Variants in SH3BP4 observed in about 807,000 individuals in gnomAD.
The protein encoded by SH3BP4 is SH3 domain binding protein 4.
In SH3BP4, 33 loss-of-function variants were observed where a neutral mutation model predicts 65.5. That is an observed-to-expected ratio of 0.50 (90% CI 0.38 to 0.67). SH3BP4 has a LOEUF of 0.67. SH3BP4 is among the 30% of genes least tolerant of loss of function. The pLI, the probability that SH3BP4 is intolerant of heterozygous loss-of-function variation, is 0.00. For synonymous variants in SH3BP4, 552 were observed against 545.5 expected, an observed-to-expected ratio of 1.01 and a Z score of -0.17; for missense variants, 1,134 against 1,261.4, an observed-to-expected ratio of 0.90 and a Z score of 1.53.
chr2:234,984,957 C>T (rs954977536), intron 1 of SH3BP4, among the ~76,000 whole-genome samples: 3 of 152,244 alleles, frequency 2.0e-5, no homozygotes, highest in African/African-American at 7.2e-5. Flanking sequence ...ATGCTGGAGA[C>T]GCATTTGAGG....
chr2:234,985,632 C>A (rs111787764), intron 1 of SH3BP4, among the ~76,000 whole-genome samples: 2 of 152,148 alleles, frequency 1.3e-5, no homozygotes, highest in African/African-American at 4.8e-5. Context: ...ATATTTTTGA[C>A]CCTCTGCGCA....
At chr2:235,007,809 G>A (rs1384220444) in intron 2 of SH3BP4, among the ~76,000 whole-genome samples, 4 of 152,166 alleles carry the variant, frequency 2.6e-5, no homozygotes, top group African/African-American at 7.2e-5. Context: ...GTAGAGACAC[G>A]GTTTGGCCAT....
rs763659776 is a variant in SH3BP4, at chr2:235,042,692, C to G, written c.1923C>G (p.Thr641=). The G allele has an allele frequency of 6.2e-7, 1 of 1,614,206 alleles. No homozygotes were observed. The highest frequency in any genetic ancestry group is 8.5e-7 in the Non-Finnish European group (1 of 1,180,050). ...VGKIILSPFA[T]TTKYPTFQDR... Reference sequence around the variant, plus strand: ...AAATCATCCTGTCCCCGTTTGCCACCACTACAAAGTACCCGACTTTCCAGG... The same window carrying G: ...AAATCATCCTGTCCCCGTTTGCCACGACTACAAAGTACCCGACTTTCCAGG... Residue 641 remains threonine, a synonymous_variant, in exon 4 of 6, where the codon ACC becomes ACG. Coordinates refer to ENST00000392011, the MANE Select transcript of SH3BP4 (RefSeq NM_014521.3). This position sits in a 1 kb window ranked among gnomAD's most constrained non-coding sequence, Gnocchi z 7.3.
chr2:235,053,228 C>T (rs1367194009), intron 5 of SH3BP4, among the ~76,000 whole-genome samples: 1 of 152,182 alleles, frequency 6.6e-6, no homozygotes, highest in Non-Finnish European at 1.5e-5. Flanking sequence ...ACGGTTCAGG[C>T]TTGCAAGATC....
At chr2:235,028,728 T>C (rs1695082914) in intron 2 of SH3BP4, among the ~76,000 whole-genome samples, 2 of 151,930 alleles carry the variant, frequency 1.3e-5, no homozygotes, top group Non-Finnish European at 2.9e-5. Context: ...AGAAAGAGGA[T>C]GGGGTGAGGG....
At chr2:234,993,821 G>A (rs1007277191) in intron 1 of SH3BP4, among the ~76,000 whole-genome samples, 3 of 152,234 alleles carry the variant, frequency 2.0e-5, no homozygotes, top group Non-Finnish European at 4.4e-5. Context: ...CTTCTCTGCC[G>A]AGAATGGGGC....
chr2:235,005,346 G>A (rs1694260337), intron 2 of SH3BP4, among the ~76,000 whole-genome samples: 2 of 152,064 alleles, frequency 1.3e-5, no homozygotes, highest in Admixed American at 6.5e-5. Context: ...GGTGTCAGGG[G>A]AGCCCCTCGC....
At chr2:235,038,299 TTATA>T (rs1186347265) in intron 3 of SH3BP4, among the ~76,000 whole-genome samples, 96 of 11,770 alleles carry the variant, frequency 8.2e-3, no homozygotes, top group East Asian at 0.074. Context: ...AATATATATA[TTATA>T]TATATATATT....
intron 2 of SH3BP4, among the ~76,000 whole-genome samples, chr2:235,029,013 A>C (rs1436258117): frequency 6.6e-6 from 1 of 152,220 alleles, no homozygotes; most frequent in Non-Finnish European, 1.5e-5. Flanking sequence ...GGTTTCAAAC[A>C]GAGTCTGGAG....
rs753631631 is a variant in SH3BP4, at chr2:234,977,050, G to A, written c.-206-18253G>A. 2.6e-5 allele frequency among the ~76,000 whole-genome samples: 4 copies of A among 152,216 alleles called. No individual in the cohort carries two copies. The highest frequency in any genetic ancestry group is 4.8e-5 in the African/African-American group (2 of 41,462). On this transcript the variant is annotated intron_variant, in intron 1 of 5. Transcript: ENST00000392011. This position sits in a 1 kb window ranked among gnomAD's most constrained non-coding sequence, Gnocchi z 5.1. ...GACACTCACAGGGAAGCCGGGTGGC[G>A]GGAGGCCTGTGGGAATTCTCTGTAT...
Position 235,034,824 on chromosome 2 carries a change from A to G in SH3BP4, c.-132-47A>G, listed in dbSNP as rs914930250. 8.5e-6 allele frequency: 5 copies of G among 590,656 alleles called. No homozygotes were observed. Among genetic ancestry groups the G allele is most frequent in the African/African-American group, 1.9e-5 (1 of 53,552 alleles). The allele number at this position is 590,656 out of a possible 1,614,324, so 36.6% of individuals were successfully genotyped here. A position where few individuals can be genotyped will look rare whatever the true frequency, so the allele number is the denominator to read the frequency against. On this transcript the variant is annotated intron_variant, in intron 2 of 5. Coordinates refer to ENST00000392011, the MANE Select transcript of SH3BP4 (RefSeq NM_014521.3). The surrounding 1 kb of genome is among the most constrained non-coding windows in gnomAD (Gnocchi z 6.2). ...TTCCCATAAAATTACCATTGAACCC[A>G]TGTTTCGCTTGCTTAAGGGACTTTT...
At chr2:234,980,698 C>T (rs1346395) in intron 1 of SH3BP4, among the ~76,000 whole-genome samples, 13,532 of 152,136 alleles carry the variant, frequency 0.089, 908 homozygotes, top group East Asian at 0.22. Flanking sequence ...CAGGCTCCTC[C>T]GCATGCTCCC....
intron 2 of SH3BP4, among the ~76,000 whole-genome samples, chr2:235,020,337 A>T (rs1694815313): frequency 6.6e-6 from 1 of 152,152 alleles, no homozygotes; most frequent in African/African-American, 2.4e-5. Context: ...CTCTGCCAAA[A>T]AATACAAAAA....
chr2:234,960,784 G>T (rs187472486), intron 1 of SH3BP4, among the ~76,000 whole-genome samples: 1 of 152,092 alleles, frequency 6.6e-6, no homozygotes, highest in African/African-American at 2.4e-5. Context: ...CTGTTTCTTC[G>T]AAATCAATCA....
chr2:234,958,341 G>T (rs927941635), intron 1 of SH3BP4, among the ~76,000 whole-genome samples: 1 of 152,178 alleles, frequency 6.6e-6, no homozygotes, highest in African/African-American at 2.4e-5. Context: ...TTCAACTTCA[G>T]AGCCAGCCAT....
At position 235,052,407 on chromosome 2, in the gene SH3BP4, A is replaced by C. The variant is rs983657195; in HGVS notation, c.2479-155A>C. ...TCTCTTTTCTCCCGTGAATCCTGGCAGTGATCGATTTCAGGGGACATTTGG... is the reference window on the plus strand; with the variant it reads ...TCTCTTTTCTCCCGTGAATCCTGGCCGTGATCGATTTCAGGGGACATTTGG... On this transcript the variant is annotated intron_variant, in intron 4 of 5. Coordinates refer to ENST00000392011, the MANE Select transcript of SH3BP4 (RefSeq NM_014521.3). This position sits in a 1 kb window ranked among gnomAD's most constrained non-coding sequence, Gnocchi z 5.0. Among the ~76,000 whole-genome samples, 11 of 152,110 alleles carry C rather than the reference A, an allele frequency of 7.2e-5. No homozygotes were observed. The highest frequency in any genetic ancestry group is 7.2e-4 in the Admixed American group (11 of 15,264).
chr2:234,977,681 T>TATGA lies in SH3BP4; in HGVS notation c.-206-17619_-206-17616dup, dbSNP rs1329193872. On this transcript the variant is annotated intron_variant, in intron 1 of 5. Coordinates refer to ENST00000392011, the MANE Select transcript of SH3BP4 (RefSeq NM_014521.3). This position sits in a 1 kb window ranked among gnomAD's most constrained non-coding sequence, Gnocchi z 5.1. ...CTCCCCCAAAGAGGGCTGGTTCAAG[T>TATGA]ATGAATATTCACAGCCACACCGAGG... 6.6e-6 allele frequency among the ~76,000 whole-genome samples: 1 copy of TATGA among 152,020 alleles called. No individual in the cohort carries two copies. Among genetic ancestry groups the TATGA allele is most frequent in the Non-Finnish European group, 1.5e-5 (1 of 67,992 alleles).
At chr2:234,975,335 C>G (rs890666) in intron 1 of SH3BP4, among the ~76,000 whole-genome samples, 1 of 152,036 alleles carries the variant, frequency 6.6e-6, no homozygotes, top group African/African-American at 2.4e-5. Context: ...CCAGGCCTGG[C>G]GAGGTGCAGG....
At position 235,019,738 on chromosome 2, in the gene SH3BP4, G is replaced by T. The variant is rs564226659; in HGVS notation, c.-132-15133G>T. Among the ~76,000 whole-genome samples the T allele has an allele frequency of 4.6e-5, 7 of 150,924 alleles. No individual in the cohort carries two copies. The East Asian group carries it at 1.4e-3, about 30-fold the overall frequency. ...GGTGTGAGCCACCACGCCTGGCCAG[G>T]GAAGGGTGAGTTCTATTGTCACCAC... On this transcript the variant is annotated intron_variant, in intron 2 of 5. Transcript: ENST00000392011.
Sources: allele counts gnomAD v4.1 joint callset (sites outside exome capture counted in the v4.1 genomes callset), GRCh38; gene constraint gnomAD v4.1.1; non-coding constraint Gnocchi (gnomAD v3.1); transcripts MANE v1.5; gene names NCBI Gene and HGNC (gene_info 2026-07-23, HGNC 2026-07-21).